CRTAC1: variants seen among roughly 807,000 people sequenced by gnomAD.
CRTAC1 encodes the protein acidic secreted protein in cartilage.
In CRTAC1, 37 loss-of-function variants were observed where a neutral mutation model predicts 67.8. The observed-to-expected ratio is 0.55, with a 90% CI of 0.42 to 0.72. CRTAC1 has a LOEUF of 0.72. CRTAC1 is among the 30% of genes least tolerant of loss of function. CRTAC1 has a pLI of 0.00. For synonymous variants in CRTAC1, 348 were observed against 371.0 expected (o/e 0.94, Z 0.71); for missense variants, 780 against 931.6 (o/e 0.84, Z 2.12).
chr10:97,947,870 T>C (rs1286450634), intron 2 of CRTAC1, among the ~76,000 whole-genome samples: 1 of 151,982 alleles, frequency 6.6e-6, no homozygotes. Flanking sequence ...CTGGGCAAAA[T>C]AGTGAGACCT....
intron 2 of CRTAC1, among the ~76,000 whole-genome samples, chr10:98,005,324 C>T (rs921603197): frequency 4.7e-5 from 7 of 150,516 alleles, no homozygotes; most frequent in South Asian, 4.2e-4. Context: ...AGGCTGGTCT[C>T]GAACTCCTGA....
chr10:97,954,816 G>A (rs1210628013), intron 2 of CRTAC1, among the ~76,000 whole-genome samples: 4 of 152,146 alleles, frequency 2.6e-5, no homozygotes, highest in East Asian at 3.9e-4. Flanking sequence ...GAGAGAAGAC[G>A]TTCCCTGCCT....
intron 11 of CRTAC1, among the ~76,000 whole-genome samples, chr10:97,886,156 T>TG (rs1564877763): frequency 1.3e-5 from 2 of 152,152 alleles, no homozygotes; most frequent in Non-Finnish European, 1.5e-5. Flanking sequence ...AGCCGGGTGC[T>TG]GGGGGGAGGA....
chr10:97,979,386 G>T (rs1316888958), intron 2 of CRTAC1, among the ~76,000 whole-genome samples: 1 of 152,200 alleles, frequency 6.6e-6, no homozygotes, highest in East Asian at 1.9e-4. Context: ...AGGAACAAGA[G>T]AATCCTTGTC....
intron 2 of CRTAC1, among the ~76,000 whole-genome samples, chr10:97,961,340 A>G (rs1240706592): frequency 6.6e-6 from 1 of 152,202 alleles, no homozygotes; most frequent in Non-Finnish European, 1.5e-5. Flanking sequence ...AAGTATAACA[A>G]CACTGCACCC....
chr10:97,985,083 C>T (rs1293277219), intron 2 of CRTAC1, among the ~76,000 whole-genome samples: 1 of 152,162 alleles, frequency 6.6e-6, no homozygotes, highest in Non-Finnish European at 1.5e-5. Context: ...ATTGTTTCGG[C>T]TTGTGTAGAG....
intron 3 of CRTAC1, 139 bp downstream of exon 3, chr10:97,936,031 C>A: frequency 1.3e-6 from 1 of 744,424 alleles, no homozygotes; most frequent in Non-Finnish European, 2.2e-6. Flanking sequence ...CCAGGGAGGT[C>A]CTGTGGCAGC....
At chr10:97,995,320 C>A (rs995301370) in intron 2 of CRTAC1, among the ~76,000 whole-genome samples, 4 of 152,064 alleles carry the variant, frequency 2.6e-5, no homozygotes, top group Admixed American at 2.0e-4. Context: ...ACACACACAC[C>A]CCTCCTCATC....
At chr10:98,005,100 A>ATATATATATATATATTTT in intron 2 of CRTAC1, among the ~76,000 whole-genome samples, 2 of 48,882 alleles carry the variant, frequency 4.1e-5, no homozygotes, top group African/African-American at 2.3e-4. Flanking sequence ...ATATATATAT[A>ATATATATATATATATTTT]TTTTTTTTTT....
At chr10:97,934,786 C>T (rs191417081) in intron 3 of CRTAC1, among the ~76,000 whole-genome samples, 10 of 152,190 alleles carry the variant, frequency 6.6e-5, no homozygotes, top group African/African-American at 2.4e-4. Flanking sequence ...TGGAGGAGCC[C>T]ACTGCACATT....
chr10:98,014,412 C>A (rs1842958478), intron 1 of CRTAC1, among the ~76,000 whole-genome samples: 1 of 152,098 alleles, frequency 6.6e-6, no homozygotes, highest in South Asian at 2.1e-4. Flanking sequence ...ACAATAGTTT[C>A]TTGGATAAGA....
At chr10:97,966,548 A>C (rs557705418) in intron 2 of CRTAC1, among the ~76,000 whole-genome samples, 58 of 152,344 alleles carry the variant, frequency 3.8e-4, no homozygotes, top group African/African-American at 1.4e-3. Flanking sequence ...AGTATGTTAC[A>C]TGGGTCACAA....
At chr10:98,002,779 T>G (rs1842716720) in intron 2 of CRTAC1, among the ~76,000 whole-genome samples, 1 of 118,972 alleles carries the variant, frequency 8.4e-6, no homozygotes, top group Middle Eastern at 3.6e-3. Flanking sequence ...TTTTTTTTTT[T>G]TTTTTTTTTT....
At chr10:97,922,702 G>A (rs762840298) in intron 4 of CRTAC1, among the ~76,000 whole-genome samples, 1 of 152,240 alleles carries the variant, frequency 6.6e-6, no homozygotes, top group Non-Finnish European at 1.5e-5. Context: ...GGGCACCTCT[G>A]TGTAGGGTGC....
intron 2 of CRTAC1, among the ~76,000 whole-genome samples, chr10:97,990,181 G>A (rs1357566186): frequency 6.6e-6 from 1 of 152,154 alleles, no homozygotes; most frequent in African/African-American, 2.4e-5. Context: ...TAATAACTCT[G>A]TGACCTCTAG....
intron 2 of CRTAC1, among the ~76,000 whole-genome samples, chr10:98,005,101 T>TATATATA (rs376672605): frequency 5.0e-5 from 2 of 40,106 alleles, no homozygotes; most frequent in Non-Finnish European, 8.4e-5. Flanking sequence ...TATATATATA[T>TATATATA]TTTTTTTTTT....
intron 5 of CRTAC1, among the ~76,000 whole-genome samples, chr10:97,909,143 A>C (rs1404652416): frequency 6.6e-6 from 1 of 152,182 alleles, no homozygotes; most frequent in African/African-American, 2.4e-5. Flanking sequence ...TGAAGTCTCT[A>C]AGATCAAATC....
Position 97,918,140 on chromosome 10 carries a change from C to G in CRTAC1, c.559-484G>C, listed in dbSNP as rs376271901. Among the ~76,000 whole-genome samples the G allele has an allele frequency of 7.2e-5, 11 of 152,328 alleles. No homozygotes were observed. In the East Asian group the frequency reaches 2.1e-3, roughly 29 times the overall value. On this transcript the variant is annotated intron_variant, in intron 4 of 14. Coordinates refer to ENST00000370597, the MANE Select transcript of CRTAC1 (RefSeq NM_018058.7). Reference sequence around the variant, plus strand: ...AGCCATCTCCCTCCCCCTGTTCCCACCCCGCGCTTCTTCATTCCTCTGTTT... The same window carrying G: ...AGCCATCTCCCTCCCCCTGTTCCCAGCCCGCGCTTCTTCATTCCTCTGTTT...
At chr10:97,909,622 A>C (rs56870860) in intron 5 of CRTAC1, among the ~76,000 whole-genome samples, 4,445 of 152,306 alleles carry the variant, frequency 0.029, 208 homozygotes, top group African/African-American at 0.099. Context: ...AAATGAGTAC[A>C]GACATTATAA....
Sources: allele counts gnomAD v4.1 joint callset (sites outside exome capture counted in the v4.1 genomes callset), GRCh38; gene constraint gnomAD v4.1.1; transcripts MANE v1.5; gene names NCBI Gene and HGNC (gene_info 2026-07-23, HGNC 2026-07-21).